RBL1: variants seen among roughly 807,000 people sequenced by gnomAD.
The protein encoded by RBL1 is retinoblastoma-like protein 1.
In RBL1, 82 loss-of-function variants were observed where a neutral mutation model predicts 123.0. That is an observed-to-expected ratio of 0.67 (90% CI 0.56 to 0.80). RBL1 has a LOEUF of 0.80. Among genes scored for constraint, RBL1 ranks in the 30% least tolerant of loss-of-function variants. RBL1 has a pLI of 0.00. For synonymous variants in RBL1, 405 were observed against 441.3 expected (o/e 0.92, Z 1.03); for missense variants, 1,171 against 1,299.6 (o/e 0.90, Z 1.52).
chr20:37,083,372 G>T (rs1278125802), intron 2 of RBL1, among the ~76,000 whole-genome samples: 1 of 152,018 alleles, frequency 6.6e-6, no homozygotes, highest in African/African-American at 2.4e-5. Context: ...GGAGGGCGTG[G>T]TGGGAGGATC....
intron 11 of RBL1, among the ~76,000 whole-genome samples, chr20:37,051,722 AAG>A (rs937656272): frequency 2.6e-5 from 4 of 152,264 alleles, no homozygotes; most frequent in East Asian, 1.9e-4. Flanking sequence ...TTAAAAAAAA[AAG>A]AGTGAGAACA....
At chr20:37,067,852 T>C (rs974508458) in intron 3 of RBL1, 134 bp downstream of exon 3, 2 of 998,038 alleles carry the variant, frequency 2.0e-6, no homozygotes, top group African/African-American at 1.7e-5. Flanking sequence ...TGGATAATTG[T>C]ACATGGATTT....
intron 2 of RBL1, among the ~76,000 whole-genome samples, chr20:37,069,212 C>A (rs2065237382): frequency 6.6e-6 from 1 of 152,234 alleles, no homozygotes; most frequent in South Asian, 2.1e-4. Flanking sequence ...CAGCCGCCTG[C>A]CTTGGCCTCC....
chr20:37,013,758 A>G (rs1266876095), intron 19 of RBL1, among the ~76,000 whole-genome samples: 1 of 152,126 alleles, frequency 6.6e-6, no homozygotes, highest in Non-Finnish European at 1.5e-5. Flanking sequence ...GCTTGATGGT[A>G]GCCTTAAGGT....
chr20:37,001,968 C>T (rs1184460391), intron 21 of RBL1, among the ~76,000 whole-genome samples: 1 of 106,554 alleles, frequency 9.4e-6, no homozygotes, highest in Non-Finnish European at 2.0e-5. Context: ...CAAACCAAAA[C>T]AACTGAATTT....
At position 37,093,404 on chromosome 20, in the gene RBL1, G is replaced by C. The variant is rs143099178; in HGVS notation, c.156+2369C>G. ...TGCTTGTAATCCCAATGCTCTGGGA[G>C]GCTGCGGCAGAAAAATCACTTGAGG... is the stretch of plus-strand genomic sequence containing the variant. On this transcript the variant is annotated intron_variant, in intron 1 of 21. Transcript: ENST00000373664. 3.5e-3 allele frequency among the ~76,000 whole-genome samples: 529 copies of C among 151,738 alleles called. 1 individual carries two copies. Among genetic ancestry groups the C allele is most frequent in the Middle Eastern group, 6.8e-3 (2 of 294 alleles).
At chr20:36,999,498 G>C (rs1045085158) in intron 21 of RBL1, among the ~76,000 whole-genome samples, 1 of 138,494 alleles carries the variant, frequency 7.2e-6, no homozygotes, top group African/African-American at 2.7e-5. Context: ...CTCTCCCCAC[G>C]GTCTCCCTCT....
chr20:37,046,937 T>C (rs2146270846), intron 12 of RBL1, 116 bp downstream of exon 12: 2 of 1,378,424 alleles, frequency 1.5e-6, no homozygotes, highest in East Asian at 2.9e-5. Context: ...TCAGAACACA[T>C]CTGGAAACAC....
intron 1 of RBL1, among the ~76,000 whole-genome samples, chr20:37,094,748 T>C (rs920891284): frequency 6.6e-6 from 1 of 152,208 alleles, no homozygotes. Flanking sequence ...GCAATTCTCC[T>C]GCCTCAGCCT....
chr20:37,055,309 G>GAAAAAAAAAAAAAAAAAAAAAAAAAAAAA (rs59560599), intron 11 of RBL1, among the ~76,000 whole-genome samples: 1 of 84,034 alleles, frequency 1.2e-5, no homozygotes, highest in African/African-American at 4.1e-5. Context: ...ATGAAGGACA[G>GAAAAAAAAAAAAAAAAAAAAAAAAAAAAA]AAAAAAAAAA....
At chr20:37,049,656 T>C in intron 11 of RBL1, 1 of 754,262 alleles carries the variant, frequency 1.3e-6, no homozygotes, top group East Asian at 2.4e-5. Context: ...TTGACAGACA[T>C]TATTGTGGCA....
chr20:37,048,960 G>C (rs2064858175), intron 11 of RBL1, among the ~76,000 whole-genome samples: 1 of 150,920 alleles, frequency 6.6e-6, no homozygotes, highest in Non-Finnish European at 1.5e-5. Context: ...CCAGCACTTT[G>C]GGAGGCCGAG....
intron 9 of RBL1, among the ~76,000 whole-genome samples, chr20:37,059,901 G>A (rs976370314): frequency 2.0e-5 from 3 of 151,824 alleles, no homozygotes; most frequent in African/African-American, 4.8e-5. Context: ...GGCTGGGCGC[G>A]GTGGCTCACG....
At chr20:37,079,193 C>A (rs1347264682) in intron 2 of RBL1, among the ~76,000 whole-genome samples, 1 of 135,262 alleles carries the variant, frequency 7.4e-6, no homozygotes, top group Non-Finnish European at 1.5e-5. Flanking sequence ...GAGTAAGACC[C>A]TGTCTCAGCC....
intron 2 of RBL1, among the ~76,000 whole-genome samples, chr20:37,087,813 G>A (rs2065574097): frequency 6.6e-6 from 1 of 152,118 alleles, no homozygotes; most frequent in East Asian, 1.9e-4. Context: ...AACAAAACTA[G>A]AACAGAGTTA....
intron 19 of RBL1, among the ~76,000 whole-genome samples, chr20:37,008,336 T>G (rs961845381): frequency 6.6e-6 from 1 of 152,212 alleles, no homozygotes; most frequent in African/African-American, 2.4e-5. Context: ...TTACATTTAT[T>G]TCTCTGCAAA....
intron 2 of RBL1, among the ~76,000 whole-genome samples, chr20:37,083,854 C>T (rs376235143): frequency 3.7e-4 from 56 of 150,550 alleles, no homozygotes; most frequent in African/African-American, 1.0e-3. Context: ...TATCAATCTA[C>T]ATTTTAAAAA....
Position 37,066,733 on chromosome 20 carries a change from A to C in RBL1, c.837T>G (p.Phe279Leu). Residue 279 changes from phenylalanine to leucine, a missense_variant, in exon 6 of 22, where the codon TTT (phenylalanine) becomes TTG (leucine). Phe to Leu is a conservative substitution (Grantham distance 22, BLOSUM62 0). Transcript: ENST00000373664. ...HYFKPYISKL[F>L]DRKILKGECL... ...ATTATAAGTACAGTACCTTCCTGTC[A>C]AAGAGTTTTGAAATATATGGCTTAA... The C allele has an allele frequency of 6.2e-7, 1 of 1,612,432 alleles. No homozygotes were observed. The highest frequency in any genetic ancestry group is 8.5e-7 in the Non-Finnish European group (1 of 1,178,802).
chr20:37,009,318 C>A (rs2064118713), intron 19 of RBL1, among the ~76,000 whole-genome samples: 1 of 152,140 alleles, frequency 6.6e-6, no homozygotes, highest in Admixed American at 6.5e-5. Flanking sequence ...GCCACTGCGC[C>A]TGGACCCCCC....
Sources: allele counts gnomAD v4.1 joint callset (sites outside exome capture counted in the v4.1 genomes callset), GRCh38; gene constraint gnomAD v4.1.1; transcripts MANE v1.5; gene names NCBI Gene and HGNC (gene_info 2026-07-23, HGNC 2026-07-21).